The following RNF130 variants were observed in gnomAD, a reference collection of about 807,000 sequenced individuals.
RNF130 encodes the protein ring finger protein 130, also known as E3 ubiquitin-protein ligase RNF130.
A neutral mutation model predicts 44.6 loss-of-function variants in RNF130; 21 were observed. The observed-to-expected ratio is 0.47, with a 90% CI of 0.33 to 0.68. The LOEUF (loss-of-function observed/expected upper bound fraction) is 0.68, where lower values mean the gene tolerates loss of function less well. Among genes scored for constraint, RNF130 ranks in the 30% least tolerant of loss-of-function variants. The probability of loss-of-function intolerance (pLI) is 0.02; values close to 1 mark genes in which losing one functional copy is unlikely to be tolerated. For missense variants in RNF130, 479 were observed against 560.6 expected (o/e 0.85, Z 1.47); for synonymous variants, 214 against 210.4 (o/e 1.02, Z -0.15).
chr5:179,986,090 C>T (rs1019741833), intron 3 of RNF130, among the ~76,000 whole-genome samples: 4 of 152,296 alleles, frequency 2.6e-5, no homozygotes, highest in Admixed American at 2.6e-4. Context: ...AATGACTTTT[C>T]TTTTCCTCAA....
At chr5:180,027,266 G>A (rs1764013252) in intron 2 of RNF130, among the ~76,000 whole-genome samples, 1 of 152,144 alleles carries the variant, frequency 6.6e-6, no homozygotes, top group Admixed American at 6.5e-5. Flanking sequence ...CAGGGTTCTT[G>A]AATTTCTGTA....
intron 7 of RNF130, among the ~76,000 whole-genome samples, chr5:179,941,065 T>C (rs2113682679): frequency 6.6e-6 from 1 of 152,324 alleles, no homozygotes; most frequent in South Asian, 2.1e-4. Flanking sequence ...CACTTATTGG[T>C]CATTGGTTTC....
intron 7 of RNF130, among the ~76,000 whole-genome samples, chr5:179,928,017 C>G (rs1490297777): frequency 6.6e-6 from 1 of 152,164 alleles, no homozygotes; most frequent in African/African-American, 2.4e-5. Context: ...GGGAATATAG[C>G]AACAGTTCCT....
At chr5:179,980,009 G>A (rs1762797658) in intron 4 of RNF130, 120 bp downstream of exon 4, 1 of 781,052 alleles carries the variant, frequency 1.3e-6, no homozygotes, top group African/African-American at 1.7e-5. Context: ...GCATTAGGTA[G>A]TGTAGTTGGA....
intron 7 of RNF130, among the ~76,000 whole-genome samples, chr5:179,947,855 T>C (rs896899881): frequency 1.3e-5 from 2 of 152,248 alleles, no homozygotes; most frequent in Non-Finnish European, 2.9e-5. Flanking sequence ...TTATATATTA[T>C]ACATACAGTA....
intron 7 of RNF130, among the ~76,000 whole-genome samples, chr5:179,947,756 A>G (rs1390427238): frequency 1.3e-5 from 2 of 152,200 alleles, no homozygotes; most frequent in East Asian, 1.9e-4. Context: ...ACAAAAGTAT[A>G]TGTGTGTATA....
At chr5:180,016,617 T>G (rs1431152492) in intron 2 of RNF130, among the ~76,000 whole-genome samples, 1 of 152,194 alleles carries the variant, frequency 6.6e-6, no homozygotes, top group Non-Finnish European at 1.5e-5. Flanking sequence ...TCCAACTATT[T>G]TCTTGAGAAA....
At chr5:180,002,017 T>C (rs1217222252) in intron 3 of RNF130, among the ~76,000 whole-genome samples, 4 of 152,192 alleles carry the variant, frequency 2.6e-5, no homozygotes, top group Non-Finnish European at 5.9e-5. Context: ...CAAAGGATAA[T>C]GTGCTGCTTC....
At chr5:179,917,426 C>G in exon 8 of RNF130, 1 of 152,402 alleles carries the variant, frequency 6.6e-6, no homozygotes, top group Non-Finnish European at 1.5e-5. Flanking sequence ...CAGTTCCCCC[C>G]TCAACAATGA....
At chr5:180,034,542 C>A (rs528640141) in intron 2 of RNF130, among the ~76,000 whole-genome samples, 85 of 152,270 alleles carry the variant, frequency 5.6e-4, no homozygotes, top group Non-Finnish European at 1.1e-3. Context: ...CTCAGATATG[C>A]TATTTTTTCT....
At chr5:179,922,554 C>G (rs1286663194) in intron 7 of RNF130, among the ~76,000 whole-genome samples, 2 of 151,754 alleles carry the variant, frequency 1.3e-5, no homozygotes, top group African/African-American at 4.8e-5. Flanking sequence ...CTCAAGCGAT[C>G]TGCATCAGCC....
intron 1 of RNF130, among the ~76,000 whole-genome samples, chr5:180,066,394 C>A (rs1765108078): frequency 6.6e-6 from 1 of 152,210 alleles, no homozygotes; most frequent in South Asian, 2.1e-4. Context: ...GCCTCTTTTT[C>A]TTCCCAGTCT....
downstream of RNF130, among the ~76,000 whole-genome samples, chr5:179,950,331 G>T (rs1762107213): frequency 6.6e-6 from 1 of 151,964 alleles, no homozygotes. Context: ...TGGTCAGGCT[G>T]GTATCAAATC....
chr5:179,972,246 T>G (rs1762601174), intron 5 of RNF130, among the ~76,000 whole-genome samples: 2 of 152,188 alleles, frequency 1.3e-5, no homozygotes, highest in African/African-American at 2.4e-5. Flanking sequence ...TTAACCCTTT[T>G]GGGGCATACA....
intron 7 of RNF130, chr5:179,939,689 T>A: frequency 2.2e-6 from 1 of 452,438 alleles, no homozygotes; most frequent in Non-Finnish European, 4.4e-6. Context: ...GAAGAAAATC[T>A]TCATCAAAAG....
chr5:179,941,284 TC>T (rs1321369271), intron 7 of RNF130, among the ~76,000 whole-genome samples: 1 of 152,250 alleles, frequency 6.6e-6, no homozygotes, highest in South Asian at 2.1e-4. Flanking sequence ...TGGTGACCTT[TC>T]TCTAGAGGAC....
chr5:179,952,947 G>C (rs563898743), downstream of RNF130, among the ~76,000 whole-genome samples: 11 of 152,244 alleles, frequency 7.2e-5, 1 homozygote, highest in South Asian at 2.3e-3. Context: ...ATGGATGTCT[G>C]TTTGCACCAT....
chr5:179,998,078 G>T (rs1226972722), intron 3 of RNF130, among the ~76,000 whole-genome samples: 1 of 149,820 alleles, frequency 6.7e-6, no homozygotes. Flanking sequence ...TTGACCTCGT[G>T]ATCCGCCACC....
chr5:179,955,642 G>GT lies in RNF130; in HGVS notation c.*11dup. ...CAAGGCAAAATCAGTCAGAAAGCAG[G>GT]TTTTTTCTTCTTCAAAACCATTCTA... is the stretch of plus-strand genomic sequence containing the variant. On this transcript the variant is annotated 3_prime_UTR_variant, in exon 9 of 9. Coordinates refer to ENST00000521389, the MANE Select transcript of RNF130 (RefSeq NM_018434.6). 1 of 1,584,116 alleles carries GT rather than the reference G, an allele frequency of 6.3e-7. No homozygotes were observed. Among genetic ancestry groups the GT allele is most frequent in the Non-Finnish European group, 8.6e-7 (1 of 1,165,926 alleles).
Sources: gnomAD v4.1 joint callset for allele counts (sites outside exome capture counted in the v4.1 genomes callset) on GRCh38, gnomAD v4.1.1 for gene constraint, MANE v1.5 for transcripts, NCBI Gene and HGNC (gene_info 2026-07-23, HGNC 2026-07-21) for gene names.